Variants in GALNT17 observed in about 807,000 individuals in gnomAD.
The protein encoded by GALNT17 is UDP-GalNAc:polypeptide N-acetylgalactosaminyltransferase-like 3.
A neutral mutation model predicts 63.7 loss-of-function variants in GALNT17; 29 were observed. The ratio of observed to expected loss-of-function variants is 0.46; its 90% CI spans 0.34 to 0.62. The LOEUF is 0.62. Among genes scored for constraint, GALNT17 ranks in the 20% least tolerant of loss-of-function variants. The pLI is 0.01. For missense variants in GALNT17, 603 were observed against 799.6 expected, an observed-to-expected ratio of 0.75 and a Z score of 2.97; for synonymous variants, 305 against 318.3, an observed-to-expected ratio of 0.96 and a Z score of 0.45.
intron 1 of GALNT17, among the ~76,000 whole-genome samples, chr7:71,152,771 T>C (rs896113284): frequency 3.3e-5 from 5 of 152,110 alleles, no homozygotes; most frequent in African/African-American, 1.2e-4. Flanking sequence ...TAGCTAGGAT[T>C]ACAGGTGCCT....
At chr7:71,303,216 G>A (rs1267163422) in intron 1 of GALNT17, among the ~76,000 whole-genome samples, 2 of 151,858 alleles carry the variant, frequency 1.3e-5, no homozygotes, top group African/African-American at 2.4e-5. Flanking sequence ...GAGCGCAGTG[G>A]TGAAATCATG....
At chr7:71,420,762 T>C in intron 4 of GALNT17, 146 bp from the exon 5 acceptor site, 1 of 909,880 alleles carries the variant, frequency 1.1e-6, no homozygotes, top group Admixed American at 1.9e-5. Context: ...CGTGGGCAGG[T>C]CCCTGGGAGC....
rs1439938307 is a variant in GALNT17 at position 71,564,016 on chromosome 7, T to G, written c.963-7269T>G. 4.6e-5 allele frequency among the ~76,000 whole-genome samples: 7 copies of G among 152,168 alleles called. No homozygotes were observed. In the East Asian group the frequency reaches 1.4e-3, roughly 29 times the overall value. On this transcript the variant is annotated intron_variant, in intron 5 of 10. Transcript: ENST00000333538. ...TGAGGATTACAGGCATGAGCCACCC[T>G]GCCAGGGTGATATGTCCTTTCATTA...
rs1158843204 is a variant in GALNT17 at position 71,321,922 on chromosome 7, C to CCCCTCCCTCCCT, written c.239-13615_239-13604dup. On this transcript the variant is annotated intron_variant, in intron 1 of 10. Transcript: ENST00000333538. ...TCCTTCCTTCCTTCCTTCCTTCCTTCCCCTCCCTCCCTCCCTCCCTCCCTT... is the reference window on the plus strand; with the variant it reads ...TCCTTCCTTCCTTCCTTCCTTCCTTCCCCTCCCTCCCTCCCTCCCTCCCTCCCTCCCTCCCTT... Among the ~76,000 whole-genome samples the CCCCTCCCTCCCT allele has an allele frequency of 2.1e-3, 60 of 28,448 alleles. 1 individual carries two copies. Among genetic ancestry groups the CCCCTCCCTCCCT allele is most frequent in the Admixed American group, 4.7e-3 (10 of 2,108 alleles). 18.7% of individuals were successfully genotyped at this position (28,448 alleles called of 152,430 possible).
intron 2 of GALNT17, among the ~76,000 whole-genome samples, chr7:71,341,521 TTGGA>T (rs1199107444): frequency 6.6e-6 from 1 of 152,046 alleles, no homozygotes; most frequent in African/African-American, 2.4e-5. Flanking sequence ...TCAAAACAAC[TTGGA>T]TGAAGAAAAA....
At chr7:71,204,856 G>A (rs542573175) in intron 1 of GALNT17, among the ~76,000 whole-genome samples, 18 of 151,824 alleles carry the variant, frequency 1.2e-4, no homozygotes, top group South Asian at 2.1e-4. Flanking sequence ...AGCAATTCTC[G>A]TGCCTCAGCC....
intron 9 of GALNT17, among the ~76,000 whole-genome samples, chr7:71,693,812 A>G (rs1791498514): frequency 1.1e-5 from 1 of 93,214 alleles, no homozygotes; most frequent in South Asian, 2.7e-4. Context: ...TGCACTTTAA[A>G]AAAAGTTAAA....
chr7:71,150,468 C>G (rs774918030), intron 1 of GALNT17, among the ~76,000 whole-genome samples: 17 of 151,890 alleles, frequency 1.1e-4, no homozygotes, highest in Non-Finnish European at 2.2e-4. Flanking sequence ...ACCAAAACTC[C>G]TACGGGGTCC....
intron 1 of GALNT17, among the ~76,000 whole-genome samples, chr7:71,275,833 C>T (rs558007582): frequency 7.9e-5 from 12 of 152,188 alleles, no homozygotes; most frequent in Non-Finnish European, 1.8e-4. Flanking sequence ...CCCTTCCCCA[C>T]AAGTTGTGGC....
At chr7:71,318,465 G>A (rs12666581) in intron 1 of GALNT17, among the ~76,000 whole-genome samples, 80,448 of 146,474 alleles carry the variant, frequency 0.55, 22,444 homozygotes, top group Non-Finnish European at 0.59. Context: ...TTGTCACCAG[G>A]CTGGAGTGCA....
intron 1 of GALNT17, among the ~76,000 whole-genome samples, chr7:71,208,245 T>C (rs375099763): frequency 6.6e-6 from 1 of 152,078 alleles, no homozygotes; most frequent in African/African-American, 2.4e-5. Context: ...CCCATTGCTA[T>C]AATTTGGAAT....
chr7:71,491,821 G>C (rs1416011079), intron 5 of GALNT17, among the ~76,000 whole-genome samples: 1 of 152,206 alleles, frequency 6.6e-6, no homozygotes, highest in Non-Finnish European at 1.5e-5. Flanking sequence ...ACTTTGAGAT[G>C]CACTGTCCTA....
chr7:71,594,167 G>A (rs905610233), intron 6 of GALNT17, among the ~76,000 whole-genome samples: 2 of 152,096 alleles, frequency 1.3e-5, no homozygotes, highest in African/African-American at 2.4e-5. Context: ...AAAATTATGC[G>A]GGAGACACAG....
chr7:71,637,629 A>G (rs1790546455), intron 6 of GALNT17, among the ~76,000 whole-genome samples: 1 of 152,102 alleles, frequency 6.6e-6, no homozygotes, highest in Admixed American at 6.6e-5. Context: ...GGATGGAACC[A>G]TGGGAACAGG....
intron 6 of GALNT17, among the ~76,000 whole-genome samples, chr7:71,623,934 A>C (rs371370926): frequency 2.0e-5 from 3 of 152,228 alleles, no homozygotes; most frequent in African/African-American, 7.2e-5. Flanking sequence ...ACATGGATCT[A>C]TAGTGGACCA....
intron 5 of GALNT17, among the ~76,000 whole-genome samples, chr7:71,513,784 G>A (rs537994939): frequency 6.6e-6 from 1 of 152,238 alleles, no homozygotes; most frequent in African/African-American, 2.4e-5. Flanking sequence ...TGACATGGAA[G>A]AAAGGCTTTC....
intron 5 of GALNT17, among the ~76,000 whole-genome samples, chr7:71,442,595 C>T (rs1237956448): frequency 2.0e-5 from 3 of 152,074 alleles, no homozygotes; most frequent in Non-Finnish European, 4.4e-5. Flanking sequence ...TTTTGGCTGC[C>T]AACATGACTC....
chr7:71,408,119 G>A (rs1184837251), intron 3 of GALNT17, among the ~76,000 whole-genome samples: 1 of 152,208 alleles, frequency 6.6e-6, no homozygotes, highest in Non-Finnish European at 1.5e-5. Context: ...GGGTTTGCGT[G>A]AGAACGACCT....
intron 2 of GALNT17, among the ~76,000 whole-genome samples, chr7:71,374,636 C>T (rs1792686642): frequency 6.6e-6 from 1 of 152,086 alleles, no homozygotes; most frequent in Non-Finnish European, 1.5e-5. Context: ...GATGTGGAGA[C>T]GTGGAAGGTG....
Sources: gnomAD v4.1 joint callset for allele counts (sites outside exome capture counted in the v4.1 genomes callset) on GRCh38, gnomAD v4.1.1 for gene constraint, MANE v1.5 for transcripts, NCBI Gene and HGNC (gene_info 2026-07-23, HGNC 2026-07-21) for gene names.